CYFIP2: variants seen among roughly 807,000 people sequenced by gnomAD.
CYFIP2 encodes cytoplasmic FMR1-interacting protein 2.
In CYFIP2, 29 loss-of-function variants were observed where a neutral mutation model predicts 158.7. That is an observed-to-expected ratio of 0.18 (90% CI 0.14 to 0.25). CYFIP2 has a LOEUF of 0.25. Ranked by LOEUF, CYFIP2 falls within the 10% of genes least tolerant of loss-of-function variation. The pLI is 1.00. For missense variants in CYFIP2, 852 were observed against 1,639.5 expected, an observed-to-expected ratio of 0.52 and a Z score of 8.29; for synonymous variants, 585 against 617.6, an observed-to-expected ratio of 0.95 and a Z score of 0.78.
chr5:157,379,204 GATT>G (rs1312192827), intron 26 of CYFIP2, among the ~76,000 whole-genome samples: 1 of 151,952 alleles, frequency 6.6e-6, no homozygotes, highest in Non-Finnish European at 1.5e-5. Context: ...TTCAAAATTT[GATT>G]ATATTACTGC....
intron 23 of CYFIP2, among the ~76,000 whole-genome samples, chr5:157,347,214 T>A (rs1269696987): frequency 6.6e-6 from 1 of 151,502 alleles, no homozygotes; most frequent in Non-Finnish European, 1.5e-5. Flanking sequence ...GCACCTGTAG[T>A]CCCAGCCACT....
chr5:157,283,178 G>C (rs540855328), intron 1 of CYFIP2, among the ~76,000 whole-genome samples: 17 of 152,276 alleles, frequency 1.1e-4, no homozygotes, highest in Admixed American at 1.1e-3. Flanking sequence ...TAAATGCCGA[G>C]GTTCTGTTTG....
At chr5:157,356,381 G>A (rs996640096) in intron 23 of CYFIP2, among the ~76,000 whole-genome samples, 12 of 152,136 alleles carry the variant, frequency 7.9e-5, no homozygotes, top group African/African-American at 2.2e-4. Context: ...TCATATTGGC[G>A]GTTAGGATTT....
chr5:157,282,528 T>C (rs1757066111), intron 1 of CYFIP2, among the ~76,000 whole-genome samples: 1 of 152,212 alleles, frequency 6.6e-6, no homozygotes, highest in East Asian at 1.9e-4. Flanking sequence ...CTGTTTTCAG[T>C]TTTTGCTATC....
intron 21 of CYFIP2, among the ~76,000 whole-genome samples, chr5:157,338,064 C>T (rs1319485188): frequency 6.6e-6 from 1 of 152,218 alleles, no homozygotes; most frequent in African/African-American, 2.4e-5. Context: ...CTTTCTGTCT[C>T]TACATAAGAC....
intron 3 of CYFIP2, among the ~76,000 whole-genome samples, chr5:157,292,804 G>A (rs1025587598): frequency 1.4e-5 from 2 of 144,226 alleles, no homozygotes; most frequent in Admixed American, 7.5e-5. Flanking sequence ...TGTGGTTAAC[G>A]TGTTGTGACA....
intron 28 of CYFIP2, among the ~76,000 whole-genome samples, chr5:157,386,880 A>T (rs112371451): frequency 6.7e-6 from 1 of 148,936 alleles, no homozygotes; most frequent in Non-Finnish European, 1.5e-5. Flanking sequence ...AGATTGCGCC[A>T]CTGCACTCTG....
At chr5:157,381,362 TA>T (rs11380239) in intron 26 of CYFIP2, among the ~76,000 whole-genome samples, 37,734 of 142,882 alleles carry the variant, frequency 0.26, 5,144 homozygotes, top group African/African-American at 0.38. Context: ...GTAGGTATGA[TA>T]AAAAAAAAAA....
intron 20 of CYFIP2, among the ~76,000 whole-genome samples, chr5:157,331,504 T>C (rs1362228849): frequency 6.6e-6 from 1 of 151,682 alleles, no homozygotes; most frequent in Non-Finnish European, 1.5e-5. Flanking sequence ...TCCTGGTCTT[T>C]GTGAAAGGGC....
chr5:157,376,780 C>T (rs201670408), intron 26 of CYFIP2: 2 of 416,370 alleles, frequency 4.8e-6, no homozygotes, highest in South Asian at 1.7e-5. Context: ...AGTTCCTTTC[C>T]CCTGGGGTCA....
chr5:157,347,469 T>C (rs1762779373), intron 23 of CYFIP2, among the ~76,000 whole-genome samples: 2 of 152,126 alleles, frequency 1.3e-5, no homozygotes, highest in South Asian at 4.1e-4. Flanking sequence ...CAGGCGCCTG[T>C]CTTAAATCTG....
intron 5 of CYFIP2, among the ~76,000 whole-genome samples, 172 bp from the exon 6 acceptor site, chr5:157,300,543 A>G (rs1049741924): frequency 1.3e-5 from 2 of 151,940 alleles, no homozygotes; most frequent in African/African-American, 2.4e-5. Flanking sequence ...CAAAAAAAAA[A>G]AAAAAAGAAA....
chr5:157,307,636 G>GGCGTGTGTGT (rs1554110252), intron 8 of CYFIP2, 125 bp from the exon 9 acceptor site: 1 of 427,342 alleles, frequency 2.3e-6, no homozygotes, highest in Non-Finnish European at 4.2e-6. Context: ...GTCTCTACAG[G>GGCGTGTGTGT]GTGTGTGTGT....
intron 15 of CYFIP2, 146 bp downstream of exon 15, chr5:157,320,948 C>A: frequency 1.9e-6 from 2 of 1,058,344 alleles, no homozygotes; most frequent in South Asian, 1.9e-5. Context: ...TCTTATTCTG[C>A]CATCTTGTTT....
chr5:157,381,605 G>C (rs1766101092), intron 26 of CYFIP2, among the ~76,000 whole-genome samples: 1 of 151,758 alleles, frequency 6.6e-6, no homozygotes, highest in Non-Finnish European at 1.5e-5. Context: ...GTCAGATCAG[G>C]CTCCTGTGAG....
chr5:157,392,597 G>T (rs1219196496), intron 30 of CYFIP2, among the ~76,000 whole-genome samples: 1 of 152,156 alleles, frequency 6.6e-6, no homozygotes, highest in Non-Finnish European at 1.5e-5. Flanking sequence ...CTTTTTACCA[G>T]TGCCACAGTG....
At chr5:157,357,565 A>G (rs909448059) in intron 23 of CYFIP2, among the ~76,000 whole-genome samples, 6 of 152,212 alleles carry the variant, frequency 3.9e-5, no homozygotes, top group African/African-American at 7.2e-5. Context: ...GCAGTGGCTC[A>G]TGCCTATAAT....
intron 26 of CYFIP2, among the ~76,000 whole-genome samples, chr5:157,378,913 A>G (rs1208803114): frequency 2.0e-5 from 3 of 152,232 alleles, no homozygotes; most frequent in African/African-American, 7.2e-5. Context: ...CTAATTGCAC[A>G]TTATAACTTA....
intron 26 of CYFIP2, among the ~76,000 whole-genome samples, chr5:157,372,902 CACACACACAAAT>C (rs1023792065): frequency 2.9e-4 from 44 of 152,278 alleles, no homozygotes; most frequent in Middle Eastern, 3.4e-3. Flanking sequence ...GAGAAACACA[CACACACACAAAT>C]ACACACACAA....
Sources: allele counts gnomAD v4.1 joint callset (sites outside exome capture counted in the v4.1 genomes callset), GRCh38; gene constraint gnomAD v4.1.1; transcripts MANE v1.5; gene names NCBI Gene and HGNC (gene_info 2026-07-23, HGNC 2026-07-21).